The following GALC variants were observed in gnomAD, a reference collection of about 807,000 sequenced individuals.
GALC encodes the protein galactosylceramidase.
Under a neutral mutation model 91.8 loss-of-function variants are expected in GALC, and 77 were observed. The observed-to-expected ratio is 0.84, with a 90% CI of 0.70 to 1.01. The LOEUF (loss-of-function observed/expected upper bound fraction) is 1.01. GALC is among the 50% of genes least tolerant of loss of function. The pLI, the probability that GALC is intolerant of heterozygous loss-of-function variation, is 0.00. For synonymous variants in GALC, 357 were observed against 306.7 expected (o/e 1.16, Z -1.71); for missense variants, 882 against 855.9 (o/e 1.03, Z -0.38).
chr14:87,972,428 A>G (rs768183371), intron 7 of GALC, among the ~76,000 whole-genome samples: 1 of 152,134 alleles, frequency 6.6e-6, no homozygotes, highest in Non-Finnish European at 1.5e-5. Context: ...CCAAGAGGAG[A>G]TATCAGTAAC....
chr14:87,944,557 A>T (rs543498536), intron 14 of GALC, among the ~76,000 whole-genome samples: 1 of 152,008 alleles, frequency 6.6e-6, no homozygotes, highest in Non-Finnish European at 1.5e-5. Flanking sequence ...GCGTAAAAAC[A>T]CAAGCCACAA....
At chr14:87,978,087 T>C (rs11851130) in intron 6 of GALC, among the ~76,000 whole-genome samples, 5,338 of 152,266 alleles carry the variant, frequency 0.035, 315 homozygotes, top group African/African-American at 0.12. Flanking sequence ...AGTTTCGCTC[T>C]TGTTGCCCAG....
At chr14:87,952,900 AAAAGCTTCTCAGTG>A (rs1212226246) in intron 10 of GALC, 2 of 947,550 alleles carry the variant, frequency 2.1e-6, no homozygotes, top group African/African-American at 3.2e-5. Context: ...GAAAAGTATC[AAAAGCTTCTCAGTG>A]AAAATAAAAT....
Position 87,947,645 on chromosome 14 carries a change from C to T in GALC, c.1489+83G>A, listed in dbSNP as rs1406307137. On this transcript the variant is annotated intron_variant, in intron 13 of 16. Coordinates refer to ENST00000261304, the MANE Select transcript of GALC (RefSeq NM_000153.4). ...AATGTGCTTTTGACAGCCACTCCAT[C>T]ATGCACCCAGTTTGACAGGTAGAAA... 3.0e-6 allele frequency: 4 copies of T among 1,343,556 alleles called. No individual in the cohort carries two copies. The East Asian group carries it at 9.2e-5, about 31-fold the overall frequency. 83.2% of individuals were successfully genotyped at this position (1,343,556 alleles called of 1,614,324 possible). A position where few individuals can be genotyped will look rare whatever the true frequency, so the allele number is the denominator to read the frequency against.
chr14:87,952,635 C>G, intron 10 of GALC: 2 of 1,535,684 alleles, frequency 1.3e-6, no homozygotes, highest in Admixed American at 3.4e-5. Flanking sequence ...TTCTTTATAT[C>G]TGAAGGATGA....
upstream of GALC, chr14:87,993,291 C>T (rs1375675552): frequency 9.7e-6 from 15 of 1,538,508 alleles, no homozygotes; most frequent in East Asian, 2.4e-5. Flanking sequence ...GGGCCTCTGA[C>T]GCAGCTGGCG....
chr14:87,942,059 G>A (rs390521), intron 14 of GALC, among the ~76,000 whole-genome samples: 145,478 of 151,986 alleles, frequency 0.96, 69,920 homozygotes, highest in Non-Finnish European at 1. Context: ...AAAACTCCAG[G>A]AGAAAAGATC....
intron 12 of GALC, 25 bp from the exon 13 acceptor site, chr14:87,947,903 T>C: frequency 6.2e-7 from 1 of 1,607,252 alleles, no homozygotes; most frequent in Non-Finnish European, 8.5e-7. Context: ...ACTACTGTAT[T>C]CAGGACCAGG....
Position 87,933,909 on chromosome 14 carries a change from G to T in GALC, c.*823C>A. The T allele has an allele frequency of 7.7e-7, 1 of 1,294,380 alleles. No homozygotes were observed. The highest frequency in any genetic ancestry group is 1.1e-6 in the Non-Finnish European group (1 of 926,646). 80.2% of individuals were successfully genotyped at this position (1,294,380 alleles called of 1,614,324 possible). On this transcript the variant is annotated 3_prime_UTR_variant, in exon 17 of 17. Transcript: ENST00000261304. ...GTGTGAGTCTGTTACCAGTGCACAT[G>T]TGAGGACAGACCACAGCACAGTGAG...
chr14:87,993,238 C>T (rs897970155), upstream of GALC: 51 of 1,544,544 alleles, frequency 3.3e-5, no homozygotes, highest in Non-Finnish European at 3.9e-5. Context: ...GGCAGGAGGC[C>T]GCTGATGCTG....
chr14:87,952,132 AAAG>A (rs1490952363), intron 10 of GALC, among the ~76,000 whole-genome samples: 1 of 151,904 alleles, frequency 6.6e-6, no homozygotes, highest in Non-Finnish European at 1.5e-5. Flanking sequence ...AATAATGAGC[AAAG>A]AAGAATTAAA....
At chr14:87,940,738 T>C (rs752524963) in intron 15 of GALC, among the ~76,000 whole-genome samples, 3 of 151,910 alleles carry the variant, frequency 2.0e-5, no homozygotes, top group Non-Finnish European at 4.4e-5. Flanking sequence ...AGAGATATTT[T>C]TAAATTAAGG....
chr14:87,954,589 T>G, intron 10 of GALC: 1 of 1,582,246 alleles, frequency 6.3e-7, no homozygotes, highest in Non-Finnish European at 8.6e-7. Flanking sequence ...AAGCAAAATT[T>G]CAAAAAAGTG....
At position 87,945,581 on chromosome 14, in the gene GALC, T is replaced by G; in HGVS notation, c.1642A>C (p.Thr548Pro). The G allele has an allele frequency of 6.2e-7, 1 of 1,608,244 alleles. No individual in the cohort carries two copies. Among genetic ancestry groups the G allele is most frequent in the Non-Finnish European group, 8.5e-7 (1 of 1,174,948 alleles). Residue 548 changes from threonine to proline, a missense_variant, in exon 14 of 17, where the codon ACA becomes CCA. Thr to Pro is a conservative substitution (Grantham distance 38, BLOSUM62 -1). Coordinates refer to ENST00000261304, the MANE Select transcript of GALC (RefSeq NM_000153.4). Reference protein sequence around the residue: ...PITWAADASNTISIIGDYNWT... With the variant: ...PITWAADASNPISIIGDYNWT... The stretch of plus-strand genomic sequence containing the variant: ...TTGTAGTCTCCTATAATACTGATTG[T>G]GTTGGATGCATCGGCAGCCCATGTA...
chr14:87,960,084 T>C (rs1266153858), intron 10 of GALC, among the ~76,000 whole-genome samples: 1 of 147,990 alleles, frequency 6.8e-6, no homozygotes, highest in African/African-American at 2.5e-5. Context: ...AAAAGAAGAG[T>C]TGATATCACA....
intron 8 of GALC, among the ~76,000 whole-genome samples, chr14:87,967,805 G>A (rs1886117514): frequency 6.6e-6 from 1 of 152,136 alleles, no homozygotes; most frequent in Non-Finnish European, 1.5e-5. Flanking sequence ...GATTAAAGGA[G>A]ACTTGAGGGG....
At chr14:87,939,847 T>C in intron 16 of GALC, 58 bp downstream of exon 16, 1 of 1,153,778 alleles carries the variant, frequency 8.7e-7, no homozygotes. Context: ...AACAGAAAAT[T>C]ATAGAAATGC....
At chr14:87,993,183 C>T (rs1399182778), upstream of GALC, 1 of 1,576,182 alleles carries the variant, frequency 6.3e-7, no homozygotes, top group South Asian at 1.2e-5. Flanking sequence ...TCACATGACT[C>T]CGGCGCCCAG....
intron 5 of GALC, among the ~76,000 whole-genome samples, chr14:87,982,875 T>G (rs903523806): frequency 1.3e-5 from 2 of 152,202 alleles, no homozygotes; most frequent in Non-Finnish European, 2.9e-5. Context: ...GTCTTTTTAC[T>G]CCAATGATAC....
Sources: gnomAD v4.1 joint callset for allele counts (sites outside exome capture counted in the v4.1 genomes callset) on GRCh38, gnomAD v4.1.1 for gene constraint, MANE v1.5 for transcripts, NCBI Gene and HGNC (gene_info 2026-07-23, HGNC 2026-07-21) for gene names.